The following KIZ variants were observed in gnomAD, a reference collection of about 807,000 sequenced individuals.
KIZ encodes centrosomal protein kizuna.
Under a neutral mutation model 79.6 loss-of-function variants are expected in KIZ, and 68 were observed. The ratio of observed to expected loss-of-function variants is 0.85; its 90% CI spans 0.70 to 1.05. The LOEUF is 1.05. KIZ is among the 50% of genes least tolerant of loss of function. The pLI is 0.00. For missense variants in KIZ, 797 were observed against 800.4 expected (o/e 1.00, Z 0.05); for synonymous variants, 280 against 281.8 (o/e 0.99, Z 0.06).
Position 21,163,935 on chromosome 20 carries a change from A to G in KIZ, c.1352+776A>G, listed in dbSNP as rs2033812672. On this transcript the variant is annotated intron_variant, in intron 6 of 12. Transcript: ENST00000619189. ...ATAACATCAAATCTCTTTTAGGGGTAGAAGGAACCTAAGTAAACAACCTAA... is the reference window on the plus strand; with the variant it reads ...ATAACATCAAATCTCTTTTAGGGGTGGAAGGAACCTAAGTAAACAACCTAA... Among the ~76,000 whole-genome samples, 3 of 152,340 alleles carry G rather than the reference A, an allele frequency of 2.0e-5. No homozygotes were observed. In the East Asian group the frequency reaches 5.8e-4, roughly 29 times the overall value.
At chr20:21,237,346 T>A (rs906608647) in intron 11 of KIZ, among the ~76,000 whole-genome samples, 5 of 148,752 alleles carry the variant, frequency 3.4e-5, no homozygotes, top group Admixed American at 1.3e-4. Context: ...TGAAATCGAG[T>A]CAATGTGTTA....
In KIZ at chr20:21,162,220, T is replaced by C. The variant is rs770449284; in HGVS notation, c.755T>C (p.Leu252Ser). 1.2e-6 allele frequency: 2 copies of C among 1,613,734 alleles called. No homozygotes were observed. The highest frequency in any genetic ancestry group is 2.7e-5 in the African/African-American group (2 of 74,880). The change falls in exon 5 of 13, where the codon TTG becomes TCG. Residue 252 changes from leucine to serine, a missense_variant. Coordinates refer to ENST00000619189, the MANE Select transcript of KIZ (RefSeq NM_018474.6). ...VLSEEEQTHCLEIGSNTRHGK... is the reference protein window; with the variant it reads ...VLSEEEQTHCSEIGSNTRHGK... Reference sequence around the variant, plus strand: ...TCTGAGGAGGAACAAACTCATTGCTTGGAGATAGGAAGTAACACACGTCAT... The same window carrying C: ...TCTGAGGAGGAACAAACTCATTGCTCGGAGATAGGAAGTAACACACGTCAT...
intron 4 of KIZ, among the ~76,000 whole-genome samples, chr20:21,150,452 C>A (rs545020480): frequency 1.4e-4 from 21 of 152,350 alleles, no homozygotes; most frequent in Admixed American, 2.6e-4. Flanking sequence ...TAGACGGGGG[C>A]TCTGAGCAGT....
At chr20:21,134,115 A>G (rs2032022017) in intron 2 of KIZ, among the ~76,000 whole-genome samples, 1 of 152,136 alleles carries the variant, frequency 6.6e-6, no homozygotes, top group African/African-American at 2.4e-5. Context: ...GACTGTGGCG[A>G]CTGTGGATGG....
intron 4 of KIZ, among the ~76,000 whole-genome samples, chr20:21,150,541 A>G (rs186013484): frequency 6.6e-6 from 1 of 152,236 alleles, no homozygotes; most frequent in Non-Finnish European, 1.5e-5. Context: ...GAGCCATGAC[A>G]AGTCAAAAAG....
At chr20:21,198,087 G>C (rs2035425451) in intron 6 of KIZ, 1 of 152,188 alleles carries the variant, frequency 6.6e-6, no homozygotes, top group Non-Finnish European at 1.5e-5. Flanking sequence ...TTTTGAGACA[G>C]AGTCTTGCTC....
At chr20:21,242,422 AG>A (rs1440704100) in intron 11 of KIZ, among the ~76,000 whole-genome samples, 1 of 152,218 alleles carries the variant, frequency 6.6e-6, no homozygotes, top group Non-Finnish European at 1.5e-5. Context: ...AATGGATAGT[AG>A]GGGACAAGAT....
intron 4 of KIZ, among the ~76,000 whole-genome samples, chr20:21,159,960 A>G (rs73290065): frequency 0.043 from 6,514 of 152,306 alleles, 179 homozygotes; most frequent in Middle Eastern, 0.092. Flanking sequence ...GCACCGTTTT[A>G]TATTCCCATC....
At chr20:21,238,334 TGAGA>T (rs1555889283) in intron 11 of KIZ, among the ~76,000 whole-genome samples, 47 of 95,710 alleles carry the variant, frequency 4.9e-4, no homozygotes, top group East Asian at 1.8e-3. Context: ...CATAAGGGTG[TGAGA>T]GAGAGAGAGA....
intron 11 of KIZ, among the ~76,000 whole-genome samples, chr20:21,237,943 C>T (rs1252670914): frequency 6.6e-6 from 1 of 152,216 alleles, no homozygotes; most frequent in Non-Finnish European, 1.5e-5. Context: ...AACCCTCCCA[C>T]CTCAGCCTCC....
chr20:21,235,564 T>G (rs2036976400), intron 11 of KIZ, among the ~76,000 whole-genome samples: 1 of 152,180 alleles, frequency 6.6e-6, no homozygotes, highest in African/African-American at 2.4e-5. Flanking sequence ...AAACATTGTC[T>G]CGCTTTACCT....
At chr20:21,143,861 CAAAAATA>C (rs1312844817) in intron 3 of KIZ, among the ~76,000 whole-genome samples, 2 of 151,744 alleles carry the variant, frequency 1.3e-5, no homozygotes, top group Non-Finnish European at 2.9e-5. Flanking sequence ...GTGTTGTATG[CAAAAATA>C]AAAAAGAAAA....
chr20:21,150,620 G>C (rs1568922800), intron 4 of KIZ, among the ~76,000 whole-genome samples: 1 of 152,162 alleles, frequency 6.6e-6, no homozygotes, highest in South Asian at 2.1e-4. Context: ...TTTGTATTCA[G>C]AAAACAATTA....
intron 3 of KIZ, chr20:21,138,868 G>C (rs963300879): frequency 6.9e-6 from 1 of 145,882 alleles, no homozygotes; most frequent in African/African-American, 2.5e-5. Context: ...TGTATCTTCT[G>C]TTAGCTGACT....
At chr20:21,149,301 C>A (rs1327375965) in intron 4 of KIZ, among the ~76,000 whole-genome samples, 1 of 152,126 alleles carries the variant, frequency 6.6e-6, no homozygotes, top group African/African-American at 2.4e-5. Flanking sequence ...ACTTTAAATA[C>A]TGCATTTTTA....
intron 7 of KIZ, among the ~76,000 whole-genome samples, chr20:21,207,501 C>T (rs187896704): frequency 3.0e-5 from 4 of 132,360 alleles, no homozygotes; most frequent in Non-Finnish European, 4.7e-5. Context: ...TTCCTCCCCC[C>T]ACTTCACCCA....
intron 6 of KIZ, among the ~76,000 whole-genome samples, chr20:21,202,145 A>T (rs1215362776): frequency 6.6e-6 from 1 of 152,242 alleles, no homozygotes; most frequent in Non-Finnish European, 1.5e-5. Flanking sequence ...ATTAGTAACA[A>T]GAGTCTTGCC....
intron 7 of KIZ, among the ~76,000 whole-genome samples, chr20:21,207,126 T>G (rs2035858229): frequency 2.0e-5 from 3 of 152,152 alleles, no homozygotes; most frequent in African/African-American, 7.2e-5. Flanking sequence ...GTTACCATGC[T>G]CATAGTTCAA....
At chr20:21,215,554 T>C (rs1253404391) in intron 8 of KIZ, 29 bp from the exon 9 acceptor site, 2 of 1,252,440 alleles carry the variant, frequency 1.6e-6, no homozygotes, top group South Asian at 1.4e-5. Context: ...TTTGAAATAC[T>C]TTTTTTTTAT....
Sources: gnomAD v4.1 joint callset for allele counts (sites outside exome capture counted in the v4.1 genomes callset) on GRCh38, gnomAD v4.1.1 for gene constraint, MANE v1.5 for transcripts, NCBI Gene and HGNC (gene_info 2026-07-23, HGNC 2026-07-21) for gene names.